Variants in ITGA11 observed in about 807,000 individuals in gnomAD.
ITGA11 encodes integrin subunit alpha 11.
Under a neutral mutation model 141.9 loss-of-function variants are expected in ITGA11, and 97 were observed. The ratio of observed to expected loss-of-function variants is 0.68; its 90% CI spans 0.58 to 0.81. The LOEUF is 0.81. ITGA11 is among the 30% of genes least tolerant of loss of function. The pLI is 0.00. For synonymous variants in ITGA11, 658 were observed against 624.6 expected, an observed-to-expected ratio of 1.05 and a Z score of -0.80; for missense variants, 1,387 against 1,559.2, an observed-to-expected ratio of 0.89 and a Z score of 1.86.
chr15:68,342,237 C>T (rs1421845828), intron 10 of ITGA11, among the ~76,000 whole-genome samples: 5 of 152,226 alleles, frequency 3.3e-5, no homozygotes, highest in Non-Finnish European at 5.9e-5. Context: ...TGGGCATTCC[C>T]GGGAAGAGCT....
intron 24 of ITGA11, 104 bp downstream of exon 24, chr15:68,312,669 G>T (rs1893428371): frequency 3.6e-6 from 3 of 825,800 alleles, no homozygotes; most frequent in Non-Finnish European, 5.8e-6. Context: ...GCAGGGTTGA[G>T]GCTGGACTCC....
Position 68,351,280 on chromosome 15 carries a change from T to A in ITGA11, c.872A>T (p.Asn291Ile). The change falls in exon 8 of 30, where the codon AAC becomes ATC. Residue 291 changes from asparagine (N) to isoleucine (I), a missense_variant. Coordinates refer to ENST00000315757, the MANE Select transcript of ITGA11 (RefSeq NM_001004439.2). ...EKVIQQSERD[N>I]VTRYAVAVLG... is the part of the protein sequence containing the mutation. ...TACGGCCACCGCATATCTTGTTACGTTGTCTCTTTCGCTTTGCTGGATCAC... is the reference window on the plus strand; with the variant it reads ...TACGGCCACCGCATATCTTGTTACGATGTCTCTTTCGCTTTGCTGGATCAC... The A allele has an allele frequency of 8.1e-6, 13 of 1,613,998 alleles. No individual in the cohort carries two copies. The highest frequency in any genetic ancestry group is 1.1e-5 in the Non-Finnish European group (13 of 1,179,878).
rs753181817 is a variant in ITGA11, at chr15:68,328,159, G to C, written c.2005C>G (p.Leu669Val). The C allele has an allele frequency of 6.2e-7, 1 of 1,613,970 alleles. No homozygotes were observed. The highest frequency in any genetic ancestry group is 2.2e-5 in the East Asian group (1 of 44,884). Residue 669 changes from leucine to valine, a missense_variant, in exon 16 of 30, where the codon CTG (leucine) becomes GTG (valine). Physicochemically the swap from Leu to Val is conservative, Grantham distance 32. Transcript: ENST00000315757. This position sits in a 1 kb window ranked among gnomAD's most constrained non-coding sequence, Gnocchi z 4.8. The part of the protein sequence containing the change: ...CKRSGRDATC[L>V]AAFLCFTPIF... ...GGCGTGAAGCAGAGGAAGGCGGCCA[G>C]GCAGGTGGCATCCCTGCCACTGCGC... is the stretch of plus-strand genomic sequence containing the variant.
intron 2 of ITGA11, among the ~76,000 whole-genome samples, chr15:68,385,229 C>T (rs572067332): frequency 3.2e-4 from 48 of 152,324 alleles, no homozygotes; most frequent in Non-Finnish European, 4.7e-4. Flanking sequence ...TCTGTGATTT[C>T]GAAGCCTAGA....
At chr15:68,331,748 G>A (rs571403076) in intron 14 of ITGA11, 111 bp downstream of exon 14, 229 of 951,740 alleles carry the variant, frequency 2.4e-4, no homozygotes, top group East Asian at 1.9e-3. Context: ...ATCCGTTTCT[G>A]TGAGAGGGCC....
chr15:68,363,013 A>G (rs72743273), intron 4 of ITGA11, among the ~76,000 whole-genome samples: 3,492 of 152,248 alleles, frequency 0.023, 55 homozygotes, highest in South Asian at 0.035. Flanking sequence ...TGATGGATGG[A>G]TGGATGATGA....
At chr15:68,332,093 G>A in intron 13 of ITGA11, 31 bp from the exon 14 acceptor site, 3 of 1,548,402 alleles carry the variant, frequency 1.9e-6, no homozygotes, top group African/African-American at 1.4e-5. Flanking sequence ...AAAGGCTGGG[G>A]AGGGTTTGGC....
chr15:68,304,793 T>C lies in ITGA11; in HGVS notation c.3382-908A>G, dbSNP rs776546740. Among the ~76,000 whole-genome samples the C allele has an allele frequency of 3.9e-5, 6 of 152,170 alleles. No individual in the cohort carries two copies. The highest frequency in any genetic ancestry group is 3.2e-3 in the Middle Eastern group (1 of 316). On this transcript the variant is annotated intron_variant, in intron 28 of 29. Transcript: ENST00000315757. The surrounding 1 kb of genome is among the most constrained non-coding windows in gnomAD (Gnocchi z 6.1). The stretch of plus-strand genomic sequence containing the variant: ...CGCTGCTCAGGCCAGAAGCCATGTA[T>C]CCATCACTGACCCTAACTCTCACAC...
In ITGA11 at chr15:68,341,281, C is replaced by T. The variant is rs539910997; in HGVS notation, c.1132-1637G>A. Among the ~76,000 whole-genome samples the T allele has an allele frequency of 1.3e-3, 199 of 152,332 alleles. 1 individual carries two copies. The highest frequency in any genetic ancestry group is 0.01 in the Middle Eastern group (3 of 294). On this transcript the variant is annotated intron_variant, in intron 10 of 29. Coordinates refer to ENST00000315757, the MANE Select transcript of ITGA11 (RefSeq NM_001004439.2). ...CTCTGACAGTTTGTTCGGGCCACGA[C>T]AGGAGCCAGGAACTCATATATTCGC...
At chr15:68,317,523 C>T (rs1893631724) in intron 20 of ITGA11, among the ~76,000 whole-genome samples, 160 bp from the exon 21 acceptor site, 1 of 147,606 alleles carries the variant, frequency 6.8e-6, no homozygotes, top group Non-Finnish European at 1.5e-5. Context: ...ATGTCTGAGA[C>T]CCCAGAGGCC....
intron 1 of ITGA11, among the ~76,000 whole-genome samples, chr15:68,403,936 A>G (rs1169409117): frequency 6.6e-6 from 1 of 152,092 alleles, no homozygotes; most frequent in Non-Finnish European, 1.5e-5. Context: ...CTGTACATGG[A>G]TAGGGGGGAC....
chr15:68,355,035 G>T lies in ITGA11; in HGVS notation c.749+2116C>A, dbSNP rs191649253. 1.2e-4 allele frequency among the ~76,000 whole-genome samples: 19 copies of T among 152,314 alleles called. No individual in the cohort carries two copies. In the East Asian group the frequency reaches 2.9e-3, roughly 23 times the overall value. On this transcript the variant is annotated intron_variant, in intron 7 of 29. Transcript: ENST00000315757. ...AGTCACTGATGGTTCAAACTACCTGGTGAGTCACACACGGATAACTGAGCA... is the reference window on the plus strand; with the variant it reads ...AGTCACTGATGGTTCAAACTACCTGTTGAGTCACACACGGATAACTGAGCA...
intron 1 of ITGA11, among the ~76,000 whole-genome samples, chr15:68,411,337 G>A (rs1896766576): frequency 1.3e-5 from 2 of 152,158 alleles, no homozygotes; most frequent in South Asian, 4.1e-4. Context: ...GCCTCACCCA[G>A]GCTTATCCCC....
At chr15:68,390,287 C>A (rs1164020359) in intron 2 of ITGA11, among the ~76,000 whole-genome samples, 2 of 152,178 alleles carry the variant, frequency 1.3e-5, no homozygotes, top group African/African-American at 4.8e-5. Flanking sequence ...TATCCTCCAA[C>A]TGTTTACTGC....
intron 2 of ITGA11, among the ~76,000 whole-genome samples, chr15:68,390,538 A>C (rs572406859): frequency 6.6e-6 from 1 of 152,190 alleles, no homozygotes; most frequent in South Asian, 2.1e-4. Context: ...TCTTTCAAAC[A>C]TGCAGCTTCC....
Position 68,415,312 on chromosome 15 carries a change from G to A in ITGA11, c.53-12283C>T, listed in dbSNP as rs527971031. On this transcript the variant is annotated intron_variant, in intron 1 of 29. Coordinates refer to ENST00000315757, the MANE Select transcript of ITGA11 (RefSeq NM_001004439.2). Reference sequence around the variant, plus strand: ...ACTGGAGAAGACGGGGAGGAATAATGGGACGAAGAAATTGTGTCTTCTGAT... The same window carrying A: ...ACTGGAGAAGACGGGGAGGAATAATAGGACGAAGAAATTGTGTCTTCTGAT... Among the ~76,000 whole-genome samples, 502 of 152,288 alleles carry A rather than the reference G, an allele frequency of 3.3e-3. 6 individuals carry two copies. Among genetic ancestry groups the A allele is most frequent in the African/African-American group, 9.9e-3 (412 of 41,562 alleles).
intron 1 of ITGA11, among the ~76,000 whole-genome samples, chr15:68,417,503 T>G (rs1896914742): frequency 6.6e-6 from 1 of 152,200 alleles, no homozygotes; most frequent in Admixed American, 6.5e-5. Flanking sequence ...ATTCCAATTT[T>G]GCTCAGCTTC....
chr15:68,379,969 C>T (rs1256893482), intron 2 of ITGA11, among the ~76,000 whole-genome samples: 1 of 152,172 alleles, frequency 6.6e-6, no homozygotes, highest in Non-Finnish European at 1.5e-5. Context: ...CTTGCTTTGG[C>T]TCATAAATAG....
chr15:68,359,673 TAAAAAA>T (rs372433290), intron 5 of ITGA11, among the ~76,000 whole-genome samples: 1 of 119,374 alleles, frequency 8.4e-6, no homozygotes, highest in East Asian at 2.2e-4. Flanking sequence ...AACAAACAAA[TAAAAAA>T]AAAACTAAAT....
Sources: gnomAD v4.1 joint callset for allele counts (sites outside exome capture counted in the v4.1 genomes callset) on GRCh38, gnomAD v4.1.1 for gene constraint, Gnocchi (gnomAD v3.1) non-coding constraint, MANE v1.5 for transcripts, NCBI Gene and HGNC (gene_info 2026-07-23, HGNC 2026-07-21) for gene names.